Variants in KLHDC4 observed in about 807,000 individuals in gnomAD.
KLHDC4 encodes the protein kelch domain-containing protein 4.
In KLHDC4, 90 loss-of-function variants were observed where a neutral mutation model predicts 62.4. The ratio of observed to expected loss-of-function variants is 1.44; its 90% confidence interval spans 1.22 to 1.72. The LOEUF is 1.72. KLHDC4 is among the 40% of genes most tolerant of loss of function. KLHDC4 has a pLI of 0.00. For missense variants in KLHDC4, 1,025 were observed against 699.7 expected, an observed-to-expected ratio of 1.47 and a Z score of -5.25; for synonymous variants, 386 against 284.4, an observed-to-expected ratio of 1.36 and a Z score of -3.59.
chr16:87,738,085 G>A (rs1040765695), intron 5 of KLHDC4, among the ~76,000 whole-genome samples: 2 of 152,166 alleles, frequency 1.3e-5, no homozygotes, highest in African/African-American at 4.8e-5. Context: ...TTCAGACCAT[G>A]CAACCCAACC....
intron 9 of KLHDC4, 44 bp from the exon 10 acceptor site, chr16:87,709,711 G>T: frequency 6.6e-7 from 1 of 1,513,016 alleles, no homozygotes; most frequent in South Asian, 1.3e-5. Flanking sequence ...CTTCAGCGAG[G>T]CAGGGGTCAT....
intron 9 of KLHDC4, chr16:87,710,829 C>G (rs980276102): frequency 5.9e-6 from 1 of 168,240 alleles, no homozygotes; most frequent in Non-Finnish European, 1.3e-5. Context: ...ACTGCTGTGC[C>G]TGTGCTGGGC....
At chr16:87,731,330 C>T (rs1283004157) in intron 5 of KLHDC4, among the ~76,000 whole-genome samples, 1 of 151,848 alleles carries the variant, frequency 6.6e-6, no homozygotes. Flanking sequence ...ACTCAGACTC[C>T]CAAAGTGCTG....
At chr16:87,727,350 T>A (rs2039551290) in intron 6 of KLHDC4, among the ~76,000 whole-genome samples, 1 of 152,068 alleles carries the variant, frequency 6.6e-6, no homozygotes, top group Non-Finnish European at 1.5e-5. Context: ...TTCCATTAGG[T>A]TATTAGGTGT....
intron 5 of KLHDC4, among the ~76,000 whole-genome samples, chr16:87,738,380 T>A (rs1024323074): frequency 1.2e-4 from 17 of 144,596 alleles, no homozygotes; most frequent in African/African-American, 4.5e-4. Context: ...CACACACACA[T>A]CTATATCTTC....
intron 7 of KLHDC4, among the ~76,000 whole-genome samples, chr16:87,717,117 G>A (rs967464290): frequency 6.6e-6 from 1 of 151,976 alleles, no homozygotes. Flanking sequence ...TGTAGTCTCA[G>A]CTACTCCCAA....
chr16:87,705,642 A>C (rs939850303), downstream of KLHDC4, among the ~76,000 whole-genome samples: 2 of 152,274 alleles, frequency 1.3e-5, no homozygotes, highest in Non-Finnish European at 2.9e-5. Flanking sequence ...CTCTGAAAGA[A>C]AAACTGTCTC....
intron 5 of KLHDC4, among the ~76,000 whole-genome samples, chr16:87,736,373 G>C (rs145243604): frequency 2.0e-5 from 3 of 152,288 alleles, no homozygotes; most frequent in African/African-American, 7.2e-5. Flanking sequence ...CAGCCCGACA[G>C]CAGGACCACT....
intron 5 of KLHDC4, among the ~76,000 whole-genome samples, chr16:87,734,370 G>C (rs1365045314): frequency 2.6e-5 from 4 of 152,110 alleles, no homozygotes; most frequent in Admixed American, 2.0e-4. Flanking sequence ...AAGACATCAA[G>C]ACATGGAATC....
intron 5 of KLHDC4, among the ~76,000 whole-genome samples, chr16:87,736,435 G>T (rs185821832): frequency 6.6e-6 from 1 of 152,256 alleles, no homozygotes; most frequent in African/African-American, 2.4e-5. Context: ...AATTCCTGCC[G>T]GATCCCTGAG....
At chr16:87,748,124 C>G (rs2043313594) in intron 5 of KLHDC4, among the ~76,000 whole-genome samples, 1 of 152,190 alleles carries the variant, frequency 6.6e-6, no homozygotes, top group Non-Finnish European at 1.5e-5. Flanking sequence ...TAGCTCTTGA[C>G]TAATGGGAGA....
chr16:87,756,370 G>C, intron 3 of KLHDC4, 29 bp downstream of exon 3: 1 of 1,510,442 alleles, frequency 6.6e-7, no homozygotes, highest in Non-Finnish European at 9.2e-7. Context: ...ACGCAACATG[G>C]GAAGAAAAGA....
At chr16:87,724,305 C>G (rs1393107100) in intron 7 of KLHDC4, among the ~76,000 whole-genome samples, 1 of 152,162 alleles carries the variant, frequency 6.6e-6, no homozygotes, top group Non-Finnish European at 1.5e-5. Flanking sequence ...ATCTTTGTTA[C>G]TGAAGCTAAA....
intron 4 of KLHDC4, among the ~76,000 whole-genome samples, chr16:87,754,751 G>A (rs183825458): frequency 1.3e-5 from 2 of 152,176 alleles, no homozygotes; most frequent in African/African-American, 4.8e-5. Flanking sequence ...TCCTGGGTAG[G>A]AAACCAGCTA....
chr16:87,765,896 C>A lies in KLHDC4; in HGVS notation c.-6G>T, dbSNP rs1344490400. The A allele has an allele frequency of 2.6e-6, 4 of 1,550,958 alleles. No homozygotes were observed. The highest frequency in any genetic ancestry group is 1.2e-5 in the South Asian group (1 of 84,072). On this transcript the variant is annotated 5_prime_UTR_variant, in exon 1 of 12. Transcript: ENST00000270583. ...TTCTTGCCCTTCTTGCCCATCTTGC[C>A]GGGTCCCAAGCCGCGACGGGACACC... is the stretch of plus-strand genomic sequence containing the variant.
chr16:87,704,999 C>T (rs1466209554), downstream of KLHDC4, among the ~76,000 whole-genome samples: 1 of 152,246 alleles, frequency 6.6e-6, no homozygotes, highest in East Asian at 1.9e-4. Flanking sequence ...GGAGCTGTGG[C>T]CCTGCTGCCA....
At chr16:87,742,517 TCA>T (rs1301451262) in intron 5 of KLHDC4, among the ~76,000 whole-genome samples, 1 of 152,160 alleles carries the variant, frequency 6.6e-6, no homozygotes, top group African/African-American at 2.4e-5. Flanking sequence ...CTTCCACCAG[TCA>T]CAGAGGCTGA....
chr16:87,726,839 TG>T lies in KLHDC4; in HGVS notation c.684del (p.Thr229HisfsTer43), dbSNP rs2039450732. 8.1e-6 allele frequency: 13 copies of T among 1,612,580 alleles called. No individual in the cohort carries two copies. Among genetic ancestry groups the T allele is most frequent in the Admixed American group, 3.3e-5 (2 of 59,860 alleles). On this transcript the variant is annotated frameshift_variant, in exon 7 of 12. Transcript: ENST00000270583. LOFTEE classifies it high-confidence loss of function. ...GACATCTGGCAGCCTGATCTGGGTGTGGGCCCCGTCCCTGACGGGGACAGCT... is the reference window on the plus strand; with the variant it reads ...GACATCTGGCAGCCTGATCTGGGTGTGGCCCCGTCCCTGACGGGGACAGCT... ...WSKLSPSGTGPTPRSGCQMSV... is the reference protein window; with the variant it reads ...WSKLSPSGTGXTPRSGCQMSV...
chr16:87,745,570 G>A (rs2042917178), intron 5 of KLHDC4, among the ~76,000 whole-genome samples: 1 of 152,266 alleles, frequency 6.6e-6, no homozygotes, highest in Admixed American at 6.5e-5. Context: ...TCTGCTGAAT[G>A]TCTTGCTCAG....
Sources: allele counts gnomAD v4.1 joint callset (sites outside exome capture counted in the v4.1 genomes callset), GRCh38; gene constraint gnomAD v4.1.1; transcripts MANE v1.5; gene names NCBI Gene and HGNC (gene_info 2026-07-23, HGNC 2026-07-21).